Variants in HAS3 observed in about 807,000 individuals in gnomAD.
HAS3 encodes hyaluronan synthase 3.
HAS3 carries 27 observed loss-of-function variants against 50.3 expected under a neutral mutation model. The ratio of observed to expected loss-of-function variants is 0.54; its 90% CI spans 0.40 to 0.74. HAS3 has a LOEUF of 0.74. Ranked by LOEUF, HAS3 falls within the 30% of genes least tolerant of loss-of-function variation. The pLI is 0.00. For missense variants in HAS3, 517 were observed against 742.8 expected (o/e 0.70, Z 3.53); for synonymous variants, 339 against 310.9 (o/e 1.09, Z -0.95).
In HAS3 at chr16:69,116,328, G is replaced by C. The variant is rs898392878; in HGVS notation, c.*1062G>C. The C allele has an allele frequency of 1.0e-6, 1 of 985,860 alleles. No individual in the cohort carries two copies. 61.1% of individuals were successfully genotyped at this position (985,860 alleles called of 1,614,324 possible). On this transcript the variant is annotated 3_prime_UTR_variant, in exon 4 of 4. Transcript: ENST00000569188. The stretch of plus-strand genomic sequence containing the variant: ...ATAGAAGCTTCAGCAGGAGGCAAGC[G>C]TGTTCTCAGCACATATGGGAACTAT...
At chr16:69,102,570 A>G (rs912251853), upstream of HAS3, among the ~76,000 whole-genome samples, 1 of 152,212 alleles carries the variant, frequency 6.6e-6, no homozygotes, top group Non-Finnish European at 1.5e-5. Context: ...TGCAGATCAG[A>G]AAAAAAGAGA....
Position 69,109,083 on chromosome 16 carries a change from C to T in HAS3, c.1-313C>T, listed in dbSNP as rs530536309. ...GCCAGATGTCACGTGACCCTCTGGG[C>T]CTTGGCTTGTCTACCCCAGTGCTAC... On this transcript the variant is annotated intron_variant, in intron 1 of 3. Transcript: ENST00000569188. This position sits in a 1 kb window ranked among gnomAD's most constrained non-coding sequence, Gnocchi z 5.3. 5.3e-5 allele frequency among the ~76,000 whole-genome samples: 8 copies of T among 152,276 alleles called. No homozygotes were observed. Among genetic ancestry groups the T allele is most frequent in the African/African-American group, 7.2e-5 (3 of 41,564 alleles).
chr16:69,111,157 A>ATTTTTTTTTTTTTTTTTTTTT, intron 2 of HAS3, among the ~76,000 whole-genome samples: 1 of 62,274 alleles, frequency 1.6e-5, no homozygotes, highest in Non-Finnish European at 2.7e-5. Context: ...CTAGGCCAGG[A>ATTTTTTTTTTTTTTTTTTTTT]TTTTTTTTTT....
Position 69,115,317 on chromosome 16 carries a change from G to A in HAS3, c.*51G>A, listed in dbSNP as rs889664386. ...AGTGCAATGGGTAAGGGAGGGAAGG[G>A]GAATGGAAGAGAAAAGACAGGGTGG... On this transcript the variant is annotated 3_prime_UTR_variant, in exon 4 of 4. Coordinates refer to ENST00000569188, the MANE Select transcript of HAS3 (RefSeq NM_001199280.2). 2 of 1,492,232 alleles carry A rather than the reference G, an allele frequency of 1.3e-6. No individual in the cohort carries two copies. Among genetic ancestry groups the A allele is most frequent in the Admixed American group, 2.3e-5 (1 of 42,680 alleles). 92.4% of individuals were successfully genotyped at this position (1,492,232 alleles called of 1,614,324 possible).
At chr16:69,105,406 G>C (rs977179420), upstream of HAS3, among the ~76,000 whole-genome samples, 2 of 151,896 alleles carry the variant, frequency 1.3e-5, no homozygotes, top group African/African-American at 4.8e-5. Flanking sequence ...TATCTTTTAG[G>C]GACCTGAAAA....
In HAS3 at chr16:69,110,902, C is replaced by CA. The variant is rs552846179; in HGVS notation, c.636+874dup. On this transcript the variant is annotated intron_variant, in intron 2 of 3. Coordinates refer to ENST00000569188, the MANE Select transcript of HAS3 (RefSeq NM_001199280.2). Reference sequence around the variant, plus strand: ...CAAAAAGTCCCATTCTTCCTAGTGTCAAAGTCATGTCTGGGCGGTGAGAGA... The same window carrying CA: ...CAAAAAGTCCCATTCTTCCTAGTGTCAAAAGTCATGTCTGGGCGGTGAGAGA... Among the ~76,000 whole-genome samples the CA allele has an allele frequency of 3.6e-3, 543 of 152,258 alleles. 4 individuals carry two copies. Among genetic ancestry groups the CA allele is most frequent in the African/African-American group, 0.012 (514 of 41,552 alleles).
At chr16:69,110,143 CCTGTGCACTTAA>C in intron 2 of HAS3, 112 bp downstream of exon 2, 6 of 1,070,274 alleles carry the variant, frequency 5.6e-6, no homozygotes, top group Non-Finnish European at 8.0e-6. Context: ...TGTGCACACA[CCTGTGCACTTAA>C]GAAGGCAACA....
rs1960847498 is a variant in HAS3, at chr16:69,107,561, G to A, written c.-1+1774G>A. The A allele has an allele frequency of 1.0e-6, 1 of 984,352 alleles. No homozygotes were observed. 61.0% of individuals were successfully genotyped at this position (984,352 alleles called of 1,614,324 possible). ...TGGCGAGTGCGTTCGCGGCTGCTTTGACCTGGTGGGCGCCGCCTCCGGCAC... is the reference window on the plus strand; with the variant it reads ...TGGCGAGTGCGTTCGCGGCTGCTTTAACCTGGTGGGCGCCGCCTCCGGCAC... On this transcript the variant is annotated intron_variant, in intron 1 of 3. Coordinates refer to ENST00000569188, the MANE Select transcript of HAS3 (RefSeq NM_001199280.2). This position sits in a 1 kb window ranked among gnomAD's most constrained non-coding sequence, Gnocchi z 5.5.
At chr16:69,104,162 CT>C (rs1567576424), upstream of HAS3, among the ~76,000 whole-genome samples, 1 of 152,000 alleles carries the variant, frequency 6.6e-6, no homozygotes, top group Non-Finnish European at 1.5e-5. Context: ...TCGATCATAG[CT>C]CACTGTTGCC....
upstream of HAS3, among the ~76,000 whole-genome samples, chr16:69,102,488 A>T (rs1488367651): frequency 6.6e-6 from 1 of 152,212 alleles, no homozygotes; most frequent in African/African-American, 2.4e-5. Flanking sequence ...TTACAGGCAA[A>T]TCCTCCCTGG....
rs1960861332 is a variant in HAS3, at chr16:69,107,871, G to A, written c.1-1525G>A. 6.6e-6 allele frequency among the ~76,000 whole-genome samples: 1 copy of A among 152,376 alleles called. No homozygotes were observed. The highest frequency in any genetic ancestry group is 2.1e-4 in the South Asian group (1 of 4,834). Reference sequence around the variant, plus strand: ...AGAGCGCCCGGAGGCCGCGCTTCCCGGAGAGGCTAGGCTGCCAGCAGCTCT... The same window carrying A: ...AGAGCGCCCGGAGGCCGCGCTTCCCAGAGAGGCTAGGCTGCCAGCAGCTCT... On this transcript the variant is annotated intron_variant, in intron 1 of 3. Transcript: ENST00000569188. The surrounding 1 kb of genome is among the most constrained non-coding windows in gnomAD (Gnocchi z 5.5).
the HAS3 span, among the ~76,000 whole-genome samples, chr16:69,090,441 CTCTG>C: frequency 2.6e-5 from 4 of 151,964 alleles, no homozygotes; most frequent in East Asian, 7.7e-4. Flanking sequence ...GACAGTCTCT[CTCTG>C]TCACCCAGGC....
Position 69,117,334 on chromosome 16 carries a change from C to T in HAS3, c.*2068C>T. The T allele has an allele frequency of 1.0e-6, 1 of 985,804 alleles. No individual in the cohort carries two copies. Among genetic ancestry groups the T allele is most frequent in the Non-Finnish European group, 1.2e-6 (1 of 829,922 alleles). The allele number at this position is 985,804 out of a possible 1,614,324, so 61.1% of individuals were successfully genotyped here. A position where few individuals can be genotyped will look rare whatever the true frequency, so the allele number is the denominator to read the frequency against. ...TTGCACTGTGGTCGTCAACTTTCCTCAAATCAAAAACAGGCAGGTACAGGT... is the reference window on the plus strand; with the variant it reads ...TTGCACTGTGGTCGTCAACTTTCCTTAAATCAAAAACAGGCAGGTACAGGT... On this transcript the variant is annotated 3_prime_UTR_variant, in exon 4 of 4. Transcript: ENST00000569188.
the HAS3 span, among the ~76,000 whole-genome samples, chr16:69,089,366 A>T: frequency 7.0e-3 from 1,072 of 152,304 alleles, 5 homozygotes; most frequent in Non-Finnish European, 0.011. Flanking sequence ...TGGCAAAGGG[A>T]GAGAGTCAGA....
the HAS3 span, among the ~76,000 whole-genome samples, chr16:69,085,779 A>G: frequency 3.4e-5 from 5 of 147,086 alleles, no homozygotes; most frequent in Non-Finnish European, 7.5e-5. Context: ...GGGTTTCTCC[A>G]TATTGGCCAG....
intron 2 of HAS3, among the ~76,000 whole-genome samples, chr16:69,112,989 C>G (rs1490922978): frequency 1.4e-4 from 21 of 152,188 alleles, no homozygotes. Context: ...CACCAGTGGG[C>G]TGCAGGTTGT....
the HAS3 span, among the ~76,000 whole-genome samples, chr16:69,093,799 G>C: frequency 9.2e-5 from 14 of 152,132 alleles, no homozygotes; most frequent in Non-Finnish European, 1.8e-4. Context: ...CAAAGTGCTA[G>C]GATTACAGGC....
At chr16:69,089,242 C>T in the HAS3 span, among the ~76,000 whole-genome samples, 1 of 152,184 alleles carries the variant, frequency 6.6e-6, no homozygotes, top group Non-Finnish European at 1.5e-5. Flanking sequence ...CTGGCTACAA[C>T]ATGTGAAAGT....
At position 69,114,720 on chromosome 16, in the gene HAS3, C is replaced by T; in HGVS notation, c.1116C>T (p.Phe372=). The T allele has an allele frequency of 1.2e-6, 2 of 1,614,142 alleles. No homozygotes were observed. The highest frequency in any genetic ancestry group is 1.7e-6 in the Non-Finnish European group (2 of 1,180,008). ...FREWLYNSLW[F]HKHHLWMTYE... The stretch of plus-strand genomic sequence containing the variant: ...AGTGGCTCTACAACTCTCTGTGGTT[C>T]CATAAGCACCACCTCTGGATGACCT... Residue 372 remains phenylalanine, a synonymous_variant, in exon 4 of 4, where the codon TTC becomes TTT. Coordinates refer to ENST00000569188, the MANE Select transcript of HAS3 (RefSeq NM_001199280.2). The surrounding 1 kb of genome is among the most constrained non-coding windows in gnomAD (Gnocchi z 6.4).
Sources: gnomAD v4.1 joint callset for allele counts (sites outside exome capture counted in the v4.1 genomes callset) on GRCh38, gnomAD v4.1.1 for gene constraint, Gnocchi (gnomAD v3.1) non-coding constraint, MANE v1.5 for transcripts, NCBI Gene and HGNC (gene_info 2026-07-23, HGNC 2026-07-21) for gene names.